Variants in C9 observed in about 807,000 individuals in gnomAD.
C9 encodes the protein complement C9.
C9 carries 63 observed loss-of-function variants against 65.4 expected under a neutral mutation model. The observed-to-expected ratio is 0.96, with a 90% CI of 0.79 to 1.19. The LOEUF (loss-of-function observed/expected upper bound fraction) is 1.19, where lower values mean the gene tolerates loss of function less well. Ranked by LOEUF, C9 falls within the 50% of genes most tolerant of loss-of-function variation. C9 has a pLI of 0.00. For synonymous variants in C9, 229 were observed against 227.9 expected (o/e 1.00, Z -0.04); for missense variants, 744 against 670.1 (o/e 1.11, Z -1.22).
intron 5 of C9, among the ~76,000 whole-genome samples, chr5:39,329,752 T>C (rs1295172835): frequency 6.6e-6 from 1 of 152,204 alleles, no homozygotes; most frequent in African/African-American, 2.4e-5. Flanking sequence ...GGTAATAAGC[T>C]ATAAAGAAGT....
chr5:39,291,584 G>C (rs73078501), intron 9 of C9, among the ~76,000 whole-genome samples: 1 of 151,236 alleles, frequency 6.6e-6, no homozygotes, highest in African/African-American at 2.4e-5. Flanking sequence ...TAAAAACTAC[G>C]GTGAAAAATA....
intron 9 of C9, among the ~76,000 whole-genome samples, chr5:39,300,082 G>A (rs1753254617): frequency 6.6e-6 from 1 of 152,028 alleles, no homozygotes; most frequent in Non-Finnish European, 1.5e-5. Flanking sequence ...CCACAATAGA[G>A]CCTGGTACAC....
chr5:39,306,817 G>C, intron 8 of C9, 25 bp from the exon 9 acceptor site: 2 of 1,563,858 alleles, frequency 1.3e-6, no homozygotes, highest in African/African-American at 1.4e-5. Flanking sequence ...AAGATTTAAA[G>C]AGAAGCAGAA....
At chr5:39,357,756 C>T (rs188151589) in intron 1 of C9, among the ~76,000 whole-genome samples, 36 of 152,214 alleles carry the variant, frequency 2.4e-4, no homozygotes, top group Middle Eastern at 3.4e-3. Flanking sequence ...GACACTCTTC[C>T]CATCAAAAGT....
intron 9 of C9, among the ~76,000 whole-genome samples, chr5:39,299,738 T>C (rs984435675): frequency 6.6e-5 from 10 of 152,132 alleles, no homozygotes; most frequent in Non-Finnish European, 1.2e-4. Context: ...TTGGTTTTCA[T>C]GGTGGTTTCA....
Position 39,288,936 on chromosome 5 carries a change from T to G in C9, c.1432A>C (p.Asn478His), listed in dbSNP as rs1579835602. The G allele has an allele frequency of 2.5e-6, 4 of 1,596,702 alleles. No homozygotes were observed. The East Asian group carries it at 8.9e-5, about 36-fold the overall frequency. ...LISQKLSPIY[N>H]LVPVKMKNAH... ...TTTTTCATTTTCACTGGAACCAGAT[T>G]ATATATAGGAGACAGCTGAAAGGAA... Residue 478 changes from asparagine to histidine, a missense_variant, in exon 10 of 11, where the codon AAT becomes CAT. Transcript: ENST00000263408.
intron 9 of C9, 65 bp downstream of exon 9, chr5:39,306,552 A>G: frequency 7.8e-7 from 1 of 1,279,088 alleles, no homozygotes. Flanking sequence ...AGTTCACCTG[A>G]AACAATGTGA....
intron 1 of C9, among the ~76,000 whole-genome samples, chr5:39,342,451 G>A (rs776978465): frequency 6.6e-6 from 1 of 152,020 alleles, no homozygotes; most frequent in Admixed American, 6.6e-5. Flanking sequence ...ACAAAACAAC[G>A]GCAATGAGGA....
chr5:39,354,830 A>G (rs1377955385), intron 1 of C9, among the ~76,000 whole-genome samples: 2 of 152,200 alleles, frequency 1.3e-5, no homozygotes, highest in African/African-American at 4.8e-5. Flanking sequence ...TAAATGAGTG[A>G]ATAAGTGAGT....
chr5:39,341,737 T>C (rs1754089779), intron 2 of C9, 37 bp from the exon 3 acceptor site: 3 of 1,607,822 alleles, frequency 1.9e-6, no homozygotes, highest in East Asian at 4.5e-5. Flanking sequence ...GAATTTCTAA[T>C]GCCAAAAAAA....
chr5:39,335,933 T>TA (rs1221470442), intron 4 of C9, among the ~76,000 whole-genome samples: 7 of 152,220 alleles, frequency 4.6e-5, no homozygotes, highest in Non-Finnish European at 8.8e-5. Context: ...GGTCTTCAGA[T>TA]ACTCTGTTTG....
At chr5:39,319,455 CTG>C (rs1348715423) in intron 5 of C9, among the ~76,000 whole-genome samples, 2 of 152,118 alleles carry the variant, frequency 1.3e-5, no homozygotes, top group African/African-American at 4.8e-5. Context: ...AGGCTGGTCT[CTG>C]TAGCCCTAGA....
intron 5 of C9, among the ~76,000 whole-genome samples, chr5:39,318,358 C>T (rs927918723): frequency 6.6e-6 from 1 of 152,114 alleles, no homozygotes; most frequent in Non-Finnish European, 1.5e-5. Context: ...TTTCTTTCCC[C>T]TGCCTGATTG....
At chr5:39,349,841 A>T (rs2111972336) in intron 1 of C9, among the ~76,000 whole-genome samples, 1 of 152,086 alleles carries the variant, frequency 6.6e-6, no homozygotes, top group Middle Eastern at 3.4e-3. Flanking sequence ...CTACTCTTTT[A>T]TGCAGGCGCC....
At chr5:39,327,514 G>C (rs1753768926) in intron 5 of C9, among the ~76,000 whole-genome samples, 1 of 152,126 alleles carries the variant, frequency 6.6e-6, no homozygotes, top group East Asian at 1.9e-4. Flanking sequence ...CTTAAGGAGG[G>C]ATTTCAGGTT....
intron 9 of C9, among the ~76,000 whole-genome samples, chr5:39,289,954 TA>T (rs1475524845): frequency 6.6e-6 from 1 of 151,782 alleles, no homozygotes; most frequent in African/African-American, 2.4e-5. Flanking sequence ...TAATTAGATG[TA>T]AAGAAAATGA....
At chr5:39,351,205 G>C (rs2111974870) in intron 1 of C9, among the ~76,000 whole-genome samples, 1 of 152,288 alleles carries the variant, frequency 6.6e-6, no homozygotes, top group Middle Eastern at 3.4e-3. Flanking sequence ...CATGTCCCAA[G>C]GCTGCACAGA....
At position 39,341,680 on chromosome 5, in the gene C9, C is replaced by A. The variant is rs746782293; in HGVS notation, c.204G>T (p.Glu68Asp). The stretch of plus-strand genomic sequence containing the variant: ...TTTTCCCATTAAATTGTCCAAAGAC[C>A]TCAATGCTTCTTGAACGAAACTGCA... ...LRQMFRSRSI[E>D]VFGQFNGKRC... Residue 68 changes from glutamate to aspartate, a missense_variant, in exon 3 of 11, where the codon GAG becomes GAT. Glu to Asp is a conservative substitution (Grantham distance 45, BLOSUM62 2). Transcript: ENST00000263408. 1 of 1,614,106 alleles carries A rather than the reference C, an allele frequency of 6.2e-7. No homozygotes were observed. The highest frequency in any genetic ancestry group is 8.5e-7 in the Non-Finnish European group (1 of 1,179,960).
At chr5:39,326,215 T>A (rs6870342) in intron 5 of C9, among the ~76,000 whole-genome samples, 3,258 of 152,358 alleles carry the variant, frequency 0.021, 123 homozygotes, top group African/African-American at 0.075. Context: ...CCAGGAAATG[T>A]AACTAAGTTG....
Sources: gnomAD v4.1 joint callset for allele counts (sites outside exome capture counted in the v4.1 genomes callset) on GRCh38, gnomAD v4.1.1 for gene constraint, MANE v1.5 for transcripts, NCBI Gene and HGNC (gene_info 2026-07-23, HGNC 2026-07-21) for gene names.